The following ITPRID1 variants were observed in gnomAD, a reference collection of about 807,000 sequenced individuals.
The protein encoded by ITPRID1 is ITPR interacting domain containing 1, also known as protein ITPRID1.
A neutral mutation model predicts 95.4 loss-of-function variants in ITPRID1; 96 were observed. The ratio of observed to expected loss-of-function variants is 1.01; its 90% CI spans 0.85 to 1.19. The LOEUF (loss-of-function observed/expected upper bound fraction) is 1.19. Among genes scored for constraint, ITPRID1 ranks in the 50% most tolerant of loss-of-function variants. The pLI is 0.00. For missense variants in ITPRID1, 1,339 were observed against 1,252.9 expected (o/e 1.07, Z -1.04); for synonymous variants, 510 against 453.6 (o/e 1.12, Z -1.58).
Position 31,643,083 on chromosome 7 carries a change from C to A in ITPRID1, c.1713C>A (p.Thr571=). Residue 571 remains threonine (T), a synonymous_variant, in exon 12 of 15, where the codon ACC becomes ACA. Coordinates refer to ENST00000615280, the MANE Select transcript of ITPRID1 (RefSeq NM_001257967.3). ...ATCATCCTCTGGGGTTTATGGTAAC[C>A]CACGTCACAGAAATGCAGGACAGTT... ...KYDHPLGFMV[T]HVTEMQDSFV... 6.2e-7 allele frequency: 1 copy of A among 1,613,954 alleles called. No individual in the cohort carries two copies.
intron 10 of ITPRID1, among the ~76,000 whole-genome samples, chr7:31,626,523 A>G (rs1171555998): frequency 1.3e-5 from 2 of 152,212 alleles, no homozygotes; most frequent in East Asian, 1.9e-4. Context: ...GCTGTCATGA[A>G]TATCACAAAG....
At chr7:31,620,200 C>G (rs184618708) in intron 10 of ITPRID1, among the ~76,000 whole-genome samples, 18,088 of 152,138 alleles carry the variant, frequency 0.12, 1,217 homozygotes, top group Middle Eastern at 0.17. Flanking sequence ...AACAAAAAGA[C>G]AGCAGTAACC....
chr7:31,601,074 C>A (rs1302079832), intron 10 of ITPRID1, among the ~76,000 whole-genome samples: 2 of 151,882 alleles, frequency 1.3e-5, no homozygotes, highest in African/African-American at 4.8e-5. Context: ...GCTGAAGATA[C>A]AAATAGAAGG....
chr7:31,602,446 G>C lies in ITPRID1; in HGVS notation c.1228+19255G>C, dbSNP rs141942122. 5.8e-4 allele frequency among the ~76,000 whole-genome samples: 89 copies of C among 152,194 alleles called. 1 individual carries two copies. Among genetic ancestry groups the C allele is most frequent in the African/African-American group, 2.0e-3 (85 of 41,520 alleles). On this transcript the variant is annotated intron_variant, in intron 10 of 14. Transcript: ENST00000615280. ...CTGGAGCAGATGTTGCTTATTTGTT[G>C]TTTATTCAAATCTGTAGGCTCTGGC...
intron 10 of ITPRID1, among the ~76,000 whole-genome samples, chr7:31,599,569 T>C (rs1195040158): frequency 6.6e-6 from 1 of 151,682 alleles, no homozygotes; most frequent in African/African-American, 2.4e-5. Flanking sequence ...ATGAAGAATA[T>C]GTATTTGTTG....
At chr7:31,573,927 A>T (rs1413100552) in intron 7 of ITPRID1, among the ~76,000 whole-genome samples, 1 of 151,914 alleles carries the variant, frequency 6.6e-6, no homozygotes, top group Non-Finnish European at 1.5e-5. Flanking sequence ...TTTATCATTT[A>T]AAGTGCCAAA....
intron 9 of ITPRID1, 111 bp from the exon 10 acceptor site, chr7:31,583,023 G>A (rs991572524): frequency 4.4e-6 from 3 of 674,466 alleles, no homozygotes; most frequent in Non-Finnish European, 7.8e-6. Flanking sequence ...TTGAGTTCAG[G>A]AACTCATGTT....
chr7:31,553,186 G>A lies in ITPRID1; in HGVS notation c.162G>A (p.Leu54=). 3 of 1,571,904 alleles carry A rather than the reference G, an allele frequency of 1.9e-6. No homozygotes were observed. Among genetic ancestry groups the A allele is most frequent in the Non-Finnish European group, 2.6e-6 (3 of 1,157,432 alleles). ...GCCAGAGTCTCACCATCCCCATGCT[G>A]GGTGAGAAGGACTCTCAGGCCTATT... The part of the protein sequence containing the change: ...EESQSLTIPM[L]EDSKQESIQQ... The change falls in exon 3 of 15, where the codon CTG becomes CTA. Residue 54 remains leucine (L), a splice_region_variant and synonymous_variant. Transcript: ENST00000615280.
Position 31,545,454 on chromosome 7 carries a change from A to C in ITPRID1, c.-97-3972A>C, listed in dbSNP as rs181882898. 2.4e-3 allele frequency among the ~76,000 whole-genome samples: 360 copies of C among 152,220 alleles called. 1 individual carries two copies. Among genetic ancestry groups the C allele is most frequent in the African/African-American group, 8.1e-3 (338 of 41,550 alleles). On this transcript the variant is annotated intron_variant, in intron 1 of 14. Transcript: ENST00000615280. Reference sequence around the variant, plus strand: ...TAAAGAGGGAAATCATGGAGGAAAAAAAAATCTCTTTAAAGTTGGAAAGGG... The same window carrying C: ...TAAAGAGGGAAATCATGGAGGAAAACAAAATCTCTTTAAAGTTGGAAAGGG...
intron 1 of ITPRID1, 131 bp from the exon 2 acceptor site, chr7:31,549,295 A>T (rs552726540): frequency 3.7e-5 from 20 of 537,102 alleles, no homozygotes; most frequent in African/African-American, 3.3e-4. Context: ...TCTCCCAAAA[A>T]CATCTACTTC....
At chr7:31,595,563 C>G (rs1169200211) in intron 10 of ITPRID1, among the ~76,000 whole-genome samples, 4 of 149,758 alleles carry the variant, frequency 2.7e-5, no homozygotes, top group Non-Finnish European at 4.5e-5. Flanking sequence ...ATTCAGATCA[C>G]TTGAATAATA....
intron 10 of ITPRID1, among the ~76,000 whole-genome samples, chr7:31,628,998 G>C (rs1282443463): frequency 6.6e-6 from 1 of 152,054 alleles, no homozygotes; most frequent in Non-Finnish European, 1.5e-5. Context: ...ACTTGAATCA[G>C]TAGAAAAATT....
chr7:31,572,162 C>T lies in ITPRID1; in HGVS notation c.369C>T (p.Cys123=), dbSNP rs1324227838. ...CCAGAGGGACCAGTTTCAACTCTTG[C>T]TATTCTACTGCAAGTGTACCACAAA... ...ILSRGTSFNS[C]YSTASVPQSI... is the part of the protein sequence containing the mutation. Residue 123 remains cysteine (C), a synonymous_variant, in exon 7 of 15, where the codon TGC becomes TGT. Coordinates refer to ENST00000615280, the MANE Select transcript of ITPRID1 (RefSeq NM_001257967.3). The T allele has an allele frequency of 6.2e-7, 1 of 1,610,352 alleles. No homozygotes were observed. The highest frequency in any genetic ancestry group is 8.5e-7 in the Non-Finnish European group (1 of 1,177,208).
At chr7:31,638,801 G>A (rs1313343639) in intron 10 of ITPRID1, among the ~76,000 whole-genome samples, 2 of 151,998 alleles carry the variant, frequency 1.3e-5, no homozygotes, top group Non-Finnish European at 2.9e-5. Context: ...TTTTGAGATG[G>A]AGACTTGCTC....
intron 13 of ITPRID1, 150 bp downstream of exon 13, chr7:31,651,419 T>A: frequency 1.1e-6 from 1 of 922,116 alleles, no homozygotes; most frequent in Non-Finnish European, 1.5e-6. Flanking sequence ...TGTTCTTGCT[T>A]TCTCAGTGGG....
At chr7:31,634,817 G>C (rs1789330480) in intron 10 of ITPRID1, among the ~76,000 whole-genome samples, 1 of 152,204 alleles carries the variant, frequency 6.6e-6, no homozygotes, top group Non-Finnish European at 1.5e-5. Context: ...GGACTGGTAG[G>C]TGCCAGGTGG....
At chr7:31,583,654 C>T (rs539432971) in intron 10 of ITPRID1, among the ~76,000 whole-genome samples, 22 of 152,028 alleles carry the variant, frequency 1.4e-4, no homozygotes, top group Non-Finnish European at 3.1e-4. Flanking sequence ...AACAAAAGAA[C>T]CTACTGGCAA....
chr7:31,596,026 A>C (rs1361190696), intron 10 of ITPRID1, among the ~76,000 whole-genome samples: 5 of 151,784 alleles, frequency 3.3e-5, no homozygotes, highest in Non-Finnish European at 7.4e-5. Context: ...CACTTAAGGA[A>C]ATTTAGATAG....
chr7:31,594,671 A>T (rs1472471341), intron 10 of ITPRID1, among the ~76,000 whole-genome samples: 1 of 152,132 alleles, frequency 6.6e-6, no homozygotes, highest in East Asian at 1.9e-4. Flanking sequence ...AGCCTGGCCA[A>T]CATGGTGAAA....
Sources: gnomAD v4.1 joint callset for allele counts (sites outside exome capture counted in the v4.1 genomes callset) on GRCh38, gnomAD v4.1.1 for gene constraint, MANE v1.5 for transcripts, NCBI Gene and HGNC (gene_info 2026-07-23, HGNC 2026-07-21) for gene names.